RANBP17: variants seen among roughly 807,000 people sequenced by gnomAD.
RANBP17 encodes ran-binding protein 17.
In RANBP17, 158 loss-of-function variants were observed where a neutral mutation model predicts 141.2. The ratio of observed to expected loss-of-function variants is 1.12; its 90% CI spans 0.98 to 1.28. The LOEUF is 1.28. Among genes scored for constraint, RANBP17 ranks in the 50% most tolerant of loss-of-function variants. The pLI is 0.00. For missense variants in RANBP17, 1,438 were observed against 1,290.7 expected (o/e 1.11, Z -1.75); for synonymous variants, 430 against 450.0 (o/e 0.96, Z 0.56).
intron 5 of RANBP17, among the ~76,000 whole-genome samples, chr5:170,899,095 A>G (rs949616169): frequency 2.6e-5 from 4 of 152,228 alleles, no homozygotes; most frequent in Admixed American, 6.5e-5. Context: ...CTTTGAATCT[A>G]TAAATTACTT....
intron 14 of RANBP17, among the ~76,000 whole-genome samples, 174 bp from the exon 15 acceptor site, chr5:171,169,956 A>G (rs1272712873): frequency 6.6e-6 from 1 of 152,132 alleles, no homozygotes; most frequent in East Asian, 1.9e-4. Flanking sequence ...GGAAAAAGTT[A>G]GCAAATTTTA....
chr5:171,210,071 T>C (rs1007093814), intron 20 of RANBP17, among the ~76,000 whole-genome samples: 10 of 152,222 alleles, frequency 6.6e-5, no homozygotes, highest in African/African-American at 2.4e-4. Context: ...CTTTGATTTT[T>C]AATTTATCTG....
chr5:171,120,445 C>T (rs915633716), intron 14 of RANBP17, among the ~76,000 whole-genome samples: 5 of 152,194 alleles, frequency 3.3e-5, no homozygotes, highest in African/African-American at 9.7e-5. Context: ...AAAGTCCTTC[C>T]CTCTCTTTGC....
chr5:171,267,055 G>T (rs1766759738), intron 25 of RANBP17, among the ~76,000 whole-genome samples: 1 of 128,112 alleles, frequency 7.8e-6, no homozygotes, highest in Admixed American at 9.1e-5. Context: ...TTGAGACAGG[G>T]TCTCACTCTG....
intron 14 of RANBP17, chr5:171,028,916 A>T (rs1177580328): frequency 7.8e-7 from 1 of 1,288,538 alleles, no homozygotes; most frequent in Non-Finnish European, 1.0e-6. Context: ...AACCTATCCA[A>T]CTCGGGTTTC....
At chr5:171,232,956 T>G (rs1764292975) in intron 22 of RANBP17, among the ~76,000 whole-genome samples, 1 of 152,198 alleles carries the variant, frequency 6.6e-6, no homozygotes, top group African/African-American at 2.4e-5. Flanking sequence ...GTTTCAGTCA[T>G]TCATTCAACA....
At chr5:171,111,836 A>G (rs947306602) in intron 14 of RANBP17, among the ~76,000 whole-genome samples, 1 of 152,124 alleles carries the variant, frequency 6.6e-6, no homozygotes, top group Admixed American at 6.6e-5. Context: ...GTAATTGTCT[A>G]TTTCCTTGTC....
At chr5:171,113,766 G>C (rs768978985) in intron 14 of RANBP17, among the ~76,000 whole-genome samples, 1 of 152,124 alleles carries the variant, frequency 6.6e-6, no homozygotes, top group Non-Finnish European at 1.5e-5. Flanking sequence ...ACTTATTAGA[G>C]ATCCCCAAGA....
chr5:171,068,095 A>C (rs1228013207), intron 14 of RANBP17, among the ~76,000 whole-genome samples: 1 of 151,900 alleles, frequency 6.6e-6, no homozygotes, highest in Non-Finnish European at 1.5e-5. Flanking sequence ...TCTGATACTC[A>C]GACTGAGTAA....
At chr5:170,964,944 C>T (rs1254190433) in intron 13 of RANBP17, among the ~76,000 whole-genome samples, 6 of 152,112 alleles carry the variant, frequency 3.9e-5, no homozygotes, top group Non-Finnish European at 7.3e-5. Context: ...AATGGTATTT[C>T]TAGTTCTAGA....
intron 14 of RANBP17, among the ~76,000 whole-genome samples, chr5:171,061,125 T>C (rs1182460633): frequency 6.6e-6 from 1 of 152,134 alleles, no homozygotes. Flanking sequence ...CCTGGATTCA[T>C]TGATTTTTGG....
chr5:171,144,484 G>T (rs766871506), intron 14 of RANBP17, among the ~76,000 whole-genome samples: 25 of 152,156 alleles, frequency 1.6e-4, no homozygotes, highest in Non-Finnish European at 3.1e-4. Flanking sequence ...AATTATTCTG[G>T]TGGCAGTGGC....
intron 14 of RANBP17, among the ~76,000 whole-genome samples, chr5:170,997,220 C>A (rs1778876143): frequency 1.3e-5 from 2 of 152,176 alleles, no homozygotes; most frequent in African/African-American, 4.8e-5. Flanking sequence ...GAGGCTTCCC[C>A]AGCCATGCAG....
intron 1 of RANBP17, among the ~76,000 whole-genome samples, chr5:170,865,527 C>T (rs1767176284): frequency 6.6e-6 from 1 of 152,152 alleles, no homozygotes; most frequent in South Asian, 2.1e-4. Flanking sequence ...TACTCGCATT[C>T]CCAGAGCAGC....
chr5:171,174,531 C>T (rs919217020), intron 16 of RANBP17, among the ~76,000 whole-genome samples: 1 of 152,006 alleles, frequency 6.6e-6, no homozygotes, highest in Non-Finnish European at 1.5e-5. Context: ...ACATTTTATC[C>T]AAAATTCTGT....
At chr5:171,294,895 G>T (rs1337190389) in intron 26 of RANBP17, among the ~76,000 whole-genome samples, 1 of 152,160 alleles carries the variant, frequency 6.6e-6, no homozygotes, top group Non-Finnish European at 1.5e-5. Context: ...ATATTTCACA[G>T]TTTAGGATGA....
At chr5:171,244,252 G>A (rs1299371387) in intron 24 of RANBP17, among the ~76,000 whole-genome samples, 1 of 151,806 alleles carries the variant, frequency 6.6e-6, no homozygotes, top group African/African-American at 2.4e-5. Flanking sequence ...AATTAGCCAG[G>A]TGTGGTGGTG....
chr5:170,997,145 C>T (rs1778871130), intron 14 of RANBP17, among the ~76,000 whole-genome samples: 1 of 152,172 alleles, frequency 6.6e-6, no homozygotes, highest in Admixed American at 6.6e-5. Context: ...CATTCTCCCT[C>T]CTGCCGCCTT....
intron 14 of RANBP17, among the ~76,000 whole-genome samples, chr5:171,148,816 T>C (rs1258179717): frequency 6.6e-6 from 1 of 152,226 alleles, no homozygotes; most frequent in African/African-American, 2.4e-5. Flanking sequence ...GATATTAATG[T>C]GATTTCTTCA....
Sources: gnomAD v4.1 joint callset for allele counts (sites outside exome capture counted in the v4.1 genomes callset) on GRCh38, gnomAD v4.1.1 for gene constraint, MANE v1.5 for transcripts, NCBI Gene and HGNC (gene_info 2026-07-23, HGNC 2026-07-21) for gene names.